Variants in RIT2 observed in about 807,000 individuals in gnomAD.
The protein encoded by RIT2 is Ras like without CAAX 2.
A neutral mutation model predicts 23.7 loss-of-function variants in RIT2; 24 were observed. The observed-to-expected ratio is 1.01, with a 90% CI of 0.73 to 1.43. The LOEUF (loss-of-function observed/expected upper bound fraction) is 1.43, where lower values mean the gene tolerates loss of function less well. RIT2 is among the 40% of genes most tolerant of loss of function. The pLI is 0.00. For synonymous variants in RIT2, 107 were observed against 91.1 expected, an observed-to-expected ratio of 1.17 and a Z score of -0.99; for missense variants, 236 against 266.9, an observed-to-expected ratio of 0.88 and a Z score of 0.81.
intron 3 of RIT2, among the ~76,000 whole-genome samples, chr18:42,960,298 GT>G (rs1056278715): frequency 5.3e-5 from 8 of 151,982 alleles, no homozygotes; most frequent in African/African-American, 1.9e-4. Flanking sequence ...TCCTGACAAT[GT>G]TTTTTTGTTT....
In RIT2 at chr18:42,743,434, A is replaced by G. The variant is rs1464152482; in HGVS notation, c.*59T>C. On this transcript the variant is annotated 3_prime_UTR_variant, in exon 5 of 5. Coordinates refer to ENST00000326695, the MANE Select transcript of RIT2 (RefSeq NM_002930.4). Reference sequence around the variant, plus strand: ...AGATAATATTGAAGCAGAATGCTACATATGGAATTGTCCAACTAATAAAAT... The same window carrying G: ...AGATAATATTGAAGCAGAATGCTACGTATGGAATTGTCCAACTAATAAAAT... 5.0e-6 allele frequency: 6 copies of G among 1,196,534 alleles called. No individual in the cohort carries two copies. In the East Asian group the frequency reaches 1.4e-4, roughly 28 times the overall value. The allele number at this position is 1,196,534 out of a possible 1,614,324, so 74.1% of individuals were successfully genotyped here.
chr18:42,969,418 G>T (rs192706438), intron 3 of RIT2, among the ~76,000 whole-genome samples: 1 of 152,054 alleles, frequency 6.6e-6, no homozygotes, highest in Admixed American at 6.6e-5. Context: ...AATTAAGCTC[G>T]TAGTAATTCA....
chr18:42,925,510 TAAAATGGAAAAG>T (rs1909158240), intron 3 of RIT2, among the ~76,000 whole-genome samples: 1 of 152,040 alleles, frequency 6.6e-6, no homozygotes, highest in Non-Finnish European at 1.5e-5. Context: ...AAATGCAAGC[TAAAATGGAAAAG>T]ATCCATTTTA....
At chr18:42,963,820 C>T (rs932294280) in intron 3 of RIT2, among the ~76,000 whole-genome samples, 1 of 152,080 alleles carries the variant, frequency 6.6e-6, no homozygotes, top group African/African-American at 2.4e-5. Context: ...CACTTGAACC[C>T]AGGAGGTGGA....
chr18:42,887,059 T>G (rs1319537568), intron 4 of RIT2, among the ~76,000 whole-genome samples: 1 of 152,170 alleles, frequency 6.6e-6, no homozygotes, highest in Non-Finnish European at 1.5e-5. Flanking sequence ...ATAAAATATT[T>G]GTTTAAGAAC....
intron 2 of RIT2, among the ~76,000 whole-genome samples, chr18:43,002,482 A>G (rs985787101): frequency 1.3e-5 from 2 of 151,276 alleles, no homozygotes; most frequent in African/African-American, 4.9e-5. Flanking sequence ...TACATTCAGT[A>G]ACACACTTTG....
chr18:43,021,311 T>C (rs558636186), intron 2 of RIT2, among the ~76,000 whole-genome samples: 8 of 152,024 alleles, frequency 5.3e-5, no homozygotes, highest in Non-Finnish European at 1.2e-4. Context: ...ATCAGGGAAG[T>C]GCAAATTAAA....
chr18:42,815,137 C>T (rs1170116856), intron 4 of RIT2, among the ~76,000 whole-genome samples: 1 of 152,160 alleles, frequency 6.6e-6, no homozygotes, highest in Non-Finnish European at 1.5e-5. Flanking sequence ...CAAAATCACA[C>T]TAGCTCACCA....
At chr18:43,011,135 G>A (rs545198121) in intron 2 of RIT2, among the ~76,000 whole-genome samples, 2 of 151,962 alleles carry the variant, frequency 1.3e-5, no homozygotes, top group African/African-American at 4.8e-5. Context: ...TCAGCCACAA[G>A]TTATGAAAGT....
At chr18:43,052,909 C>T (rs1210833747) in intron 1 of RIT2, among the ~76,000 whole-genome samples, 2 of 151,970 alleles carry the variant, frequency 1.3e-5, no homozygotes, top group Admixed American at 1.3e-4. Flanking sequence ...AGTAAAGGCA[C>T]ATTGCATATT....
intron 4 of RIT2, among the ~76,000 whole-genome samples, chr18:42,748,308 A>C (rs1912966994): frequency 6.6e-6 from 1 of 152,102 alleles, no homozygotes; most frequent in Non-Finnish European, 1.5e-5. Flanking sequence ...AAAAGAAGAT[A>C]CACAAATGAC....
At chr18:43,048,185 T>C (rs1397923051) in intron 1 of RIT2, among the ~76,000 whole-genome samples, 1 of 152,210 alleles carries the variant, frequency 6.6e-6, no homozygotes, top group Admixed American at 6.5e-5. Context: ...TTGTATTATA[T>C]GGGTTCGCTA....
intron 1 of RIT2, among the ~76,000 whole-genome samples, chr18:43,034,904 C>T (rs1911940498): frequency 6.6e-6 from 1 of 152,196 alleles, no homozygotes; most frequent in Non-Finnish European, 1.5e-5. Flanking sequence ...CCCCTCCCCT[C>T]TCACCTTCCT....
chr18:42,815,689 G>T (rs147105114), intron 4 of RIT2, among the ~76,000 whole-genome samples: 45 of 152,244 alleles, frequency 3.0e-4, no homozygotes, highest in African/African-American at 1.1e-3. Context: ...CCCTGTACTT[G>T]CATGAATGTA....
At chr18:43,000,882 T>C (rs1598744119) in intron 2 of RIT2, among the ~76,000 whole-genome samples, 1 of 152,020 alleles carries the variant, frequency 6.6e-6, no homozygotes, top group Non-Finnish European at 1.5e-5. Context: ...AATGGACTAA[T>C]ACAACTGGAA....
chr18:43,034,776 C>A (rs1202979738), intron 1 of RIT2, among the ~76,000 whole-genome samples: 1 of 152,080 alleles, frequency 6.6e-6, no homozygotes, highest in African/African-American at 2.4e-5. Flanking sequence ...TAGAGAGACT[C>A]CTCCCCTGAT....
At chr18:42,935,383 G>A (rs1319677231) in intron 3 of RIT2, among the ~76,000 whole-genome samples, 2 of 152,114 alleles carry the variant, frequency 1.3e-5, no homozygotes, top group Non-Finnish European at 2.9e-5. Flanking sequence ...CTCTACAGCA[G>A]AGACACTCTC....
At chr18:43,076,295 A>G (rs1913011840) in intron 1 of RIT2, among the ~76,000 whole-genome samples, 1 of 152,186 alleles carries the variant, frequency 6.6e-6, no homozygotes, top group South Asian at 2.1e-4. Context: ...GTGCTTATGA[A>G]ATGTTTGTCT....
At chr18:42,830,592 A>C (rs771974158) in intron 4 of RIT2, among the ~76,000 whole-genome samples, 17 of 152,196 alleles carry the variant, frequency 1.1e-4, no homozygotes, top group Non-Finnish European at 2.5e-4. Flanking sequence ...GTATAGAGCC[A>C]AGCTCTACAG....
Sources: allele counts gnomAD v4.1 joint callset (sites outside exome capture counted in the v4.1 genomes callset), GRCh38; gene constraint gnomAD v4.1.1; transcripts MANE v1.5; gene names NCBI Gene and HGNC (gene_info 2026-07-23, HGNC 2026-07-21).